PARD3B: variants seen among roughly 807,000 people sequenced by gnomAD.
The protein encoded by PARD3B is par-3 family cell polarity regulator beta, also known as partitioning defective 3 homolog B.
A neutral mutation model predicts 130.2 loss-of-function variants in PARD3B; 103 were observed. The observed-to-expected ratio is 0.79, with a 90% CI of 0.67 to 0.93. PARD3B has a LOEUF of 0.93. Among genes scored for constraint, PARD3B ranks in the 40% least tolerant of loss-of-function variants. PARD3B has a pLI of 0.00. For missense variants in PARD3B, 1,609 were observed against 1,499.2 expected (o/e 1.07, Z -1.21); for synonymous variants, 583 against 553.2 (o/e 1.05, Z -0.76).
chr2:204,611,282 G>A (rs763814027), intron 1 of PARD3B, among the ~76,000 whole-genome samples: 13 of 152,140 alleles, frequency 8.5e-5, no homozygotes, highest in Non-Finnish European at 1.5e-4. Context: ...GCCCTCTATG[G>A]TACTTACTTA....
chr2:205,577,512 A>G (rs559988080), intron 22 of PARD3B, among the ~76,000 whole-genome samples: 1 of 152,200 alleles, frequency 6.6e-6, no homozygotes, highest in Non-Finnish European at 1.5e-5. Flanking sequence ...GTGATAGGTG[A>G]ATTATAAAAG....
chr2:204,851,303 G>A (rs920270912), intron 2 of PARD3B, among the ~76,000 whole-genome samples: 2 of 152,128 alleles, frequency 1.3e-5, no homozygotes, highest in Non-Finnish European at 2.9e-5. Flanking sequence ...TGTAAGCCCT[G>A]GAAGGGTGTG....
At chr2:205,399,889 AGT>A (rs2046186758) in intron 18 of PARD3B, among the ~76,000 whole-genome samples, 2 of 152,048 alleles carry the variant, frequency 1.3e-5, no homozygotes, top group Admixed American at 6.5e-5. Flanking sequence ...TGCATTAGAG[AGT>A]GATTGTGCAT....
intron 15 of PARD3B, among the ~76,000 whole-genome samples, chr2:205,234,712 ACT>A (rs1456663507): frequency 2.0e-5 from 3 of 152,242 alleles, no homozygotes; most frequent in African/African-American, 4.8e-5. Flanking sequence ...TTTATAGAAC[ACT>A]CTGCACAACA....
chr2:204,919,761 C>T lies in PARD3B; in HGVS notation c.223-45391C>T, dbSNP rs571014737. The stretch of plus-strand genomic sequence containing the variant: ...TAAGTAATCCTCTTCCCCTTCAAAA[C>T]AGTCTTATTATCACCCATTCTTGTT... On this transcript the variant is annotated intron_variant, in intron 2 of 22. Transcript: ENST00000406610. 1.8e-4 allele frequency among the ~76,000 whole-genome samples: 28 copies of T among 152,232 alleles called. No homozygotes were observed. The South Asian group carries it at 5.8e-3, about 32-fold the overall frequency.
At position 205,035,109 on chromosome 2, in the gene PARD3B, C is replaced by A. The variant is rs543385038; in HGVS notation, c.395-12472C>A. ...AACTCCTAACCTCAGGTGATCCCCC[C>A]CCCTCAGCCTCCCAAAGTGCTGGGA... is the stretch of plus-strand genomic sequence containing the variant. On this transcript the variant is annotated intron_variant, in intron 3 of 22. Coordinates refer to ENST00000406610, the MANE Select transcript of PARD3B (RefSeq NM_001302769.2). Among the ~76,000 whole-genome samples the A allele has an allele frequency of 2.4e-3, 364 of 152,110 alleles. 2 individuals are homozygous for A. The highest frequency in any genetic ancestry group is 8.4e-3 in the African/African-American group (349 of 41,530).
chr2:205,486,246 C>T (rs1209840950), intron 20 of PARD3B, among the ~76,000 whole-genome samples: 7 of 152,180 alleles, frequency 4.6e-5, no homozygotes, highest in Non-Finnish European at 1.0e-4. Flanking sequence ...GTTTTAAAAA[C>T]AACTGAAACA....
intron 1 of PARD3B, among the ~76,000 whole-genome samples, chr2:204,577,947 T>A (rs2032355151): frequency 6.6e-6 from 1 of 152,136 alleles, no homozygotes; most frequent in Admixed American, 6.5e-5. Flanking sequence ...GGTGGCTTTG[T>A]CCCCTAGGAC....
At chr2:204,718,027 G>T (rs2038816847) in intron 2 of PARD3B, among the ~76,000 whole-genome samples, 1 of 152,086 alleles carries the variant, frequency 6.6e-6, no homozygotes, top group African/African-American at 2.4e-5. Context: ...TGGTTTCAAG[G>T]AACAGAGTCT....
In PARD3B at chr2:205,121,643, G is replaced by A. The variant is rs770492830; in HGVS notation, c.859G>A (p.Val287Met). The stretch of plus-strand genomic sequence containing the variant: ...GAAATCTCCAAGTGTGCTCCTCCAC[G>A]TGCTTCCTCCACAAAACCGTGAACA... Reference protein sequence around the residue: ...AMKSPSVLLHVLPPQNREQYE... With the variant: ...AMKSPSVLLHMLPPQNREQYE... The change falls in exon 8 of 23, where the codon GTG becomes ATG. Residue 287 changes from valine (V) to methionine (M), a missense_variant. Val to Met is a conservative substitution (Grantham distance 21, BLOSUM62 1). Transcript: ENST00000406610. This position sits in a 1 kb window ranked among gnomAD's most constrained non-coding sequence, Gnocchi z 5.0. 49 of 1,613,954 alleles carry A rather than the reference G, an allele frequency of 3.0e-5. No homozygotes were observed. The highest frequency in any genetic ancestry group is 3.9e-5 in the Non-Finnish European group (46 of 1,180,010).
At chr2:205,046,433 A>G (rs1263605451) in intron 3 of PARD3B, among the ~76,000 whole-genome samples, 6 of 151,770 alleles carry the variant, frequency 4.0e-5, no homozygotes, top group Admixed American at 6.6e-5. Flanking sequence ...TCCTTTTGGC[A>G]TAGGTTTGTG....
chr2:205,085,134 G>A (rs919674702), intron 4 of PARD3B, among the ~76,000 whole-genome samples: 1 of 151,978 alleles, frequency 6.6e-6, no homozygotes, highest in African/African-American at 2.4e-5. Context: ...GTTGTTAGGT[G>A]CGTAGGTTGG....
chr2:204,879,015 A>G (rs919885547), intron 2 of PARD3B, among the ~76,000 whole-genome samples: 3 of 152,106 alleles, frequency 2.0e-5, no homozygotes, highest in East Asian at 1.9e-4. Flanking sequence ...GCCCTTAGCT[A>G]TTTGGAATGT....
At chr2:204,641,096 A>G (rs1378336540) in intron 1 of PARD3B, among the ~76,000 whole-genome samples, 2 of 148,074 alleles carry the variant, frequency 1.4e-5, no homozygotes, top group Non-Finnish European at 3.0e-5. Context: ...TTATATGTAC[A>G]TTTATATATA....
At chr2:205,010,659 A>G (rs1695638037) in intron 3 of PARD3B, among the ~76,000 whole-genome samples, 1 of 152,072 alleles carries the variant, frequency 6.6e-6, no homozygotes, top group African/African-American at 2.4e-5. Context: ...AATCGATTGC[A>G]TTGCTATTTT....
At chr2:204,824,514 T>C (rs1238592518) in intron 2 of PARD3B, among the ~76,000 whole-genome samples, 1 of 152,162 alleles carries the variant, frequency 6.6e-6, no homozygotes, top group African/African-American at 2.4e-5. Context: ...CTCCTTGAAC[T>C]ATCTCTATTT....
chr2:204,940,081 G>A (rs1049102303), intron 2 of PARD3B, among the ~76,000 whole-genome samples: 4 of 152,128 alleles, frequency 2.6e-5, no homozygotes, highest in Non-Finnish European at 4.4e-5. Flanking sequence ...AGAGCTTACC[G>A]GACTCTGGAG....
intron 15 of PARD3B, among the ~76,000 whole-genome samples, chr2:205,234,922 T>C (rs2038995764): frequency 6.6e-6 from 1 of 152,192 alleles, no homozygotes; most frequent in South Asian, 2.1e-4. Flanking sequence ...AAATAAATTA[T>C]ATACTTCTTA....
intron 20 of PARD3B, among the ~76,000 whole-genome samples, chr2:205,486,267 G>A (rs547181220): frequency 1.3e-5 from 2 of 152,294 alleles, no homozygotes; most frequent in African/African-American, 4.8e-5. Context: ...ATCCATAGGA[G>A]ATGGTAATGT....
Sources: allele counts gnomAD v4.1 joint callset (sites outside exome capture counted in the v4.1 genomes callset), GRCh38; gene constraint gnomAD v4.1.1; non-coding constraint Gnocchi (gnomAD v3.1); transcripts MANE v1.5; gene names NCBI Gene and HGNC (gene_info 2026-07-23, HGNC 2026-07-21).